The following MSH3 variants were observed in gnomAD, a reference collection of about 807,000 sequenced individuals.
MSH3 encodes mutS homolog 3, also known as DNA mismatch repair protein Msh3.
Under a neutral mutation model 123.3 loss-of-function variants are expected in MSH3, and 106 were observed. The observed-to-expected ratio is 0.86, with a 90% CI of 0.73 to 1.01. The LOEUF (loss-of-function observed/expected upper bound fraction) is 1.01, where lower values mean the gene tolerates loss of function less well. MSH3 is among the 50% of genes least tolerant of loss of function. The probability of loss-of-function intolerance (pLI) is 0.00; values close to 1 mark genes in which losing one functional copy is unlikely to be tolerated. For missense variants in MSH3, 1,459 were observed against 1,347.6 expected, an observed-to-expected ratio of 1.08 and a Z score of -1.29; for synonymous variants, 515 against 481.4, an observed-to-expected ratio of 1.07 and a Z score of -0.91.
chr5:80,854,233 A>G lies in MSH3; in HGVS notation c.2917A>G (p.Ile973Val), dbSNP rs762608251. ...AAAAGCAACATCACAGTCCTTGGTT[A>G]TCTTGGATGAACTAGGAAGAGGGAC... ...IRKATSQSLV[I>V]LDELGRGTST... The change falls in exon 21 of 24, where the codon ATC (isoleucine) becomes GTC (valine). Residue 973 changes from isoleucine (I) to valine (V), a missense_variant. By Grantham distance (29) the Ile-to-Val change is conservative. Transcript: ENST00000265081. The G allele has an allele frequency of 1.1e-5, 18 of 1,613,888 alleles. 1 individual carries two copies. The highest frequency in any genetic ancestry group is 3.3e-4 in the Middle Eastern group (2 of 6,080).
At chr5:80,727,129 G>T (rs1348658342) in intron 9 of MSH3, among the ~76,000 whole-genome samples, 1 of 152,200 alleles carries the variant, frequency 6.6e-6, no homozygotes, top group Non-Finnish European at 1.5e-5. Flanking sequence ...CTAAGGGAAG[G>T]CCAAAACTCT....
At chr5:80,730,470 C>T (rs904970964) in intron 10 of MSH3, among the ~76,000 whole-genome samples, 12 of 152,146 alleles carry the variant, frequency 7.9e-5, no homozygotes, top group African/African-American at 2.9e-4. Flanking sequence ...GGAGTTCTAA[C>T]TGATGTTTCA....
Position 80,703,702 on chromosome 5 carries a change from G to A in MSH3, c.1341-21751G>A, listed in dbSNP as rs193136514. Among the ~76,000 whole-genome samples, 3 of 152,170 alleles carry A rather than the reference G, an allele frequency of 2.0e-5. No homozygotes were observed. The East Asian group carries it at 5.8e-4, about 29-fold the overall frequency. Reference sequence around the variant, plus strand: ...TTTCCTTCTGTAACAACAGTGCACAGATTTTACTTCAGGAATGTGTTTTTA... The same window carrying A: ...TTTCCTTCTGTAACAACAGTGCACAAATTTTACTTCAGGAATGTGTTTTTA... On this transcript the variant is annotated intron_variant, in intron 8 of 23. Coordinates refer to ENST00000265081, the MANE Select transcript of MSH3 (RefSeq NM_002439.5).
At chr5:80,818,034 A>G (rs1745134966) in intron 20 of MSH3, among the ~76,000 whole-genome samples, 1 of 152,138 alleles carries the variant, frequency 6.6e-6, no homozygotes, top group African/African-American at 2.4e-5. Flanking sequence ...ACAATGGCCA[A>G]CGTGGTGAAA....
intron 20 of MSH3, among the ~76,000 whole-genome samples, chr5:80,838,525 T>C (rs1004692606): frequency 3.9e-5 from 6 of 152,230 alleles, no homozygotes; most frequent in African/African-American, 1.4e-4. Flanking sequence ...GAGTCTCAGC[T>C]ACCATGAGAA....
intron 16 of MSH3, 59 bp from the exon 17 acceptor site, chr5:80,778,661 G>A (rs1172292616): frequency 1.1e-6 from 1 of 918,870 alleles, no homozygotes; most frequent in African/African-American, 1.6e-5. Context: ...CTAAAGTGAT[G>A]GCATTTCGGA....
intron 8 of MSH3, among the ~76,000 whole-genome samples, chr5:80,724,205 A>G (rs1751145057): frequency 6.6e-6 from 1 of 152,234 alleles, no homozygotes; most frequent in Non-Finnish European, 1.5e-5. Context: ...TCAAACAACA[A>G]AGAAATAGTT....
intron 19 of MSH3, among the ~76,000 whole-genome samples, chr5:80,797,124 T>A (rs949136432): frequency 2.7e-5 from 4 of 147,760 alleles, no homozygotes; most frequent in African/African-American, 9.9e-5. Flanking sequence ...TGTTCAAGTC[T>A]TGCCTTGGAT....
chr5:80,839,130 G>C (rs1745569838), intron 20 of MSH3, among the ~76,000 whole-genome samples: 1 of 152,148 alleles, frequency 6.6e-6, no homozygotes, highest in South Asian at 2.1e-4. Flanking sequence ...ACTTTGAGAG[G>C]CTGAGGCAGG....
At chr5:80,746,091 A>G (rs893832621) in intron 12 of MSH3, among the ~76,000 whole-genome samples, 1 of 152,202 alleles carries the variant, frequency 6.6e-6, no homozygotes, top group Non-Finnish European at 1.5e-5. Context: ...GCCACCTTCT[A>G]TAGAAAACGC....
At chr5:80,817,821 A>G (rs1020898554) in intron 20 of MSH3, among the ~76,000 whole-genome samples, 6 of 152,184 alleles carry the variant, frequency 3.9e-5, no homozygotes, top group African/African-American at 7.2e-5. Context: ...GATTTAAGTA[A>G]TAATCAGAAA....
At position 80,803,305 on chromosome 5, in the gene MSH3, C is replaced by T. The variant is rs546445606; in HGVS notation, c.2656-10279C>T. Among the ~76,000 whole-genome samples the T allele has an allele frequency of 2.8e-3, 430 of 152,142 alleles. 4 individuals are homozygous for T. The highest frequency in any genetic ancestry group is 9.9e-3 in the African/African-American group (412 of 41,526). ...GTGAGATGATATCTCATTGTAATTT[C>T]GATTTGCATTTCTCTGATGATCAAT... On this transcript the variant is annotated intron_variant, in intron 19 of 23. Transcript: ENST00000265081.
chr5:80,784,797 C>T (rs752785728), intron 17 of MSH3, among the ~76,000 whole-genome samples: 10 of 151,888 alleles, frequency 6.6e-5, no homozygotes, highest in Admixed American at 1.3e-4. Flanking sequence ...TGGTGGGAAT[C>T]GTATTATTTG....
At chr5:80,791,633 T>A (rs1024361107) in intron 18 of MSH3, among the ~76,000 whole-genome samples, 2 of 152,234 alleles carry the variant, frequency 1.3e-5, no homozygotes, top group South Asian at 2.1e-4. Context: ...TTATTCTCAT[T>A]TCTGTAAAAT....
intron 8 of MSH3, among the ~76,000 whole-genome samples, chr5:80,689,671 T>G (rs1182987407): frequency 1.3e-5 from 2 of 151,454 alleles, no homozygotes; most frequent in Non-Finnish European, 2.9e-5. Context: ...AATAAACTGT[T>G]CCTACCAGTT....
chr5:80,744,394 A>C, intron 11 of MSH3, 112 bp from the exon 12 acceptor site: 1 of 743,296 alleles, frequency 1.3e-6, no homozygotes, highest in Non-Finnish European at 2.4e-6. Context: ...AACACCTGTT[A>C]TGAGCCACAT....
rs1039989210 is a variant in MSH3, at chr5:80,785,441, A to C, written c.2436-2124A>C. ...CACACCAGTTAGAATGGCAATCATTAAAAAGTCAGGAAACAACAGGTGCTG... is the reference window on the plus strand; with the variant it reads ...CACACCAGTTAGAATGGCAATCATTCAAAAGTCAGGAAACAACAGGTGCTG... On this transcript the variant is annotated intron_variant, in intron 17 of 23. Transcript: ENST00000265081. Among the ~76,000 whole-genome samples the C allele has an allele frequency of 6.1e-4, 93 of 152,284 alleles. 1 individual carries two copies. Among genetic ancestry groups the C allele is most frequent in the Non-Finnish European group, 1.0e-3 (69 of 68,014 alleles).
At chr5:80,859,227 T>G (rs1401018590) in intron 21 of MSH3, among the ~76,000 whole-genome samples, 1 of 152,108 alleles carries the variant, frequency 6.6e-6, no homozygotes, top group East Asian at 1.9e-4. Flanking sequence ...TTCAAGTGAT[T>G]CTTGTGCCTC....
chr5:80,776,521 T>C (rs1432438647), intron 16 of MSH3, among the ~76,000 whole-genome samples: 2 of 151,090 alleles, frequency 1.3e-5, no homozygotes, highest in Non-Finnish European at 3.0e-5. Flanking sequence ...TCTTTACATC[T>C]TTTTTTTTGT....
Sources: allele counts gnomAD v4.1 joint callset (sites outside exome capture counted in the v4.1 genomes callset), GRCh38; gene constraint gnomAD v4.1.1; transcripts MANE v1.5; gene names NCBI Gene and HGNC (gene_info 2026-07-23, HGNC 2026-07-21).